GFRAL: variants seen among roughly 807,000 people sequenced by gnomAD.
GFRAL encodes GDNF family receptor alpha-like.
Under a neutral mutation model 45.4 loss-of-function variants are expected in GFRAL, and 36 were observed. That is an observed-to-expected ratio of 0.79 (90% CI 0.61 to 1.05). The LOEUF (loss-of-function observed/expected upper bound fraction) is 1.05. Among genes scored for constraint, GFRAL ranks in the 50% least tolerant of loss-of-function variants. The pLI is 0.00. For missense variants in GFRAL, 507 were observed against 467.5 expected (o/e 1.08, Z -0.78); for synonymous variants, 166 against 154.1 (o/e 1.08, Z -0.57).
rs531870584 is a variant in GFRAL, at chr6:55,331,151, G to A, written c.23-564G>A. On this transcript the variant is annotated intron_variant, in intron 1 of 8. Transcript: ENST00000340465. ...ACTAACATTTTAGTTCAAACCATAA[G>A]AGTACATGGAATTTTCTGCAGAGAA... Among the ~76,000 whole-genome samples the A allele has an allele frequency of 5.2e-4, 79 of 152,228 alleles. 2 individuals are homozygous for A. The highest frequency in any genetic ancestry group is 1.8e-3 in the African/African-American group (76 of 41,562).
chr6:55,339,496 G>C (rs1002406782), intron 3 of GFRAL, among the ~76,000 whole-genome samples: 1 of 151,992 alleles, frequency 6.6e-6, no homozygotes, highest in African/African-American at 2.4e-5. Context: ...AAGACTGCCT[G>C]GGAAAAACAC....
rs911306626 is a variant in GFRAL at position 55,401,929 on chromosome 6, C to T, written c.*76C>T. The T allele has an allele frequency of 2.5e-6, 2 of 794,124 alleles. No homozygotes were observed. The highest frequency in any genetic ancestry group is 1.5e-5 in the South Asian group (1 of 65,714). The allele number at this position is 794,124 out of a possible 1,614,324, so 49.2% of individuals were successfully genotyped here. A position where few individuals can be genotyped will look rare whatever the true frequency, so the allele number is the denominator to read the frequency against. On this transcript the variant is annotated 3_prime_UTR_variant, in exon 9 of 9. Coordinates refer to ENST00000340465, the MANE Select transcript of GFRAL (RefSeq NM_207410.2). ...TCTTTCCTCTTTTCTTCTCTCCTCTCCTCTCCTCTCTTCTCCTCTCCTCCC... is the reference window on the plus strand; with the variant it reads ...TCTTTCCTCTTTTCTTCTCTCCTCTTCTCTCCTCTCTTCTCCTCTCCTCCC...
At chr6:55,379,112 T>C (rs1381110529) in intron 6 of GFRAL, among the ~76,000 whole-genome samples, 1 of 152,028 alleles carries the variant, frequency 6.6e-6, no homozygotes, top group Non-Finnish European at 1.5e-5. Context: ...AAAGTGACTA[T>C]TAAATAGCAA....
intron 2 of GFRAL, among the ~76,000 whole-genome samples, chr6:55,333,557 T>C (rs1767856099): frequency 1.3e-5 from 2 of 152,176 alleles, no homozygotes; most frequent in Admixed American, 6.5e-5. Context: ...AGGAAAAAGC[T>C]ATTTTGAAAT....
intron 6 of GFRAL, among the ~76,000 whole-genome samples, chr6:55,392,883 A>G (rs1198666695): frequency 6.6e-6 from 1 of 152,116 alleles, no homozygotes; most frequent in Non-Finnish European, 1.5e-5. Context: ...AAAATTAAAC[A>G]AAATAGAATA....
At chr6:55,369,776 T>C (rs1768426309) in intron 6 of GFRAL, among the ~76,000 whole-genome samples, 1 of 152,246 alleles carries the variant, frequency 6.6e-6, no homozygotes, top group Admixed American at 6.5e-5. Flanking sequence ...ATAAATAATA[T>C]GGAACATCTT....
intron 3 of GFRAL, among the ~76,000 whole-genome samples, chr6:55,335,359 G>A (rs1767877587): frequency 6.6e-6 from 1 of 152,042 alleles, no homozygotes; most frequent in Non-Finnish European, 1.5e-5. Context: ...TCTGCAAGTT[G>A]AATAGATTTT....
chr6:55,356,593 C>A (rs1355523149), intron 5 of GFRAL, among the ~76,000 whole-genome samples: 1 of 151,774 alleles, frequency 6.6e-6, no homozygotes, highest in Non-Finnish European at 1.5e-5. Flanking sequence ...TTGAGGTCTT[C>A]TGTTTCTTTT....
rs905824804 is a variant in GFRAL at position 55,345,759 on chromosome 6, C to A, written c.317-4333C>A. ...AACTACCATCAGAGTGAACAGGCAA[C>A]CTACAGAATGGGAGAAAATTTTTGC... On this transcript the variant is annotated intron_variant, in intron 3 of 8. Coordinates refer to ENST00000340465, the MANE Select transcript of GFRAL (RefSeq NM_207410.2). Among the ~76,000 whole-genome samples, 6 of 152,108 alleles carry A rather than the reference C, an allele frequency of 3.9e-5. No individual in the cohort carries two copies. In the East Asian group the frequency reaches 1.2e-3, roughly 29 times the overall value.
chr6:55,393,894 T>C (rs1326613203), intron 6 of GFRAL, among the ~76,000 whole-genome samples: 2 of 152,112 alleles, frequency 1.3e-5, no homozygotes, highest in Non-Finnish European at 2.9e-5. Context: ...GCTTTCCTTG[T>C]AGTCAGGCAG....
chr6:55,373,238 T>C (rs1768476873), intron 6 of GFRAL, among the ~76,000 whole-genome samples: 1 of 152,138 alleles, frequency 6.6e-6, no homozygotes, highest in African/African-American at 2.4e-5. Context: ...AAGAACCACC[T>C]TCTGTGGCTC....
chr6:55,370,295 T>C (rs995605382), intron 6 of GFRAL, among the ~76,000 whole-genome samples: 3 of 152,130 alleles, frequency 2.0e-5, no homozygotes, highest in Admixed American at 6.6e-5. Context: ...TGTTGATTAA[T>C]TCCTTGCTTC....
intron 6 of GFRAL, among the ~76,000 whole-genome samples, chr6:55,395,238 TA>T (rs1768809520): frequency 6.7e-6 from 1 of 149,420 alleles, no homozygotes; most frequent in African/African-American, 2.5e-5. Flanking sequence ...AGGGTAGCCA[TA>T]AGTGAGTTAT....
Position 55,399,458 on chromosome 6 carries a change from T to C in GFRAL, c.1121+17T>C, listed in dbSNP as rs368319488. The C allele has an allele frequency of 2.1e-5, 33 of 1,545,758 alleles. No individual in the cohort carries two copies. The highest frequency in any genetic ancestry group is 4.5e-5 in the East Asian group (2 of 44,516). On this transcript the variant is annotated intron_variant, in intron 8 of 8. Coordinates refer to ENST00000340465, the MANE Select transcript of GFRAL (RefSeq NM_207410.2). ...CAAGCTTAGGTAACTGAATATAAAT[T>C]AGAAGGAAAGGTCTGAAAGGGAGTC...
At chr6:55,331,513 C>A (rs1157103273) in intron 1 of GFRAL, among the ~76,000 whole-genome samples, 1 of 151,924 alleles carries the variant, frequency 6.6e-6, no homozygotes, top group Non-Finnish European at 1.5e-5. Context: ...TCAAAATGAG[C>A]AAATTTAAAA....
Position 55,359,158 on chromosome 6 carries a change from T to TTATCTATCTATCTATC in GFRAL, c.952+25_952+26insATCTATCTATCTATCT, listed in dbSNP as rs1357505659. 2 of 1,325,088 alleles carry TTATCTATCTATCTATC rather than the reference T, an allele frequency of 1.5e-6. No homozygotes were observed. Among genetic ancestry groups the TTATCTATCTATCTATC allele is most frequent in the African/African-American group, 3.9e-5 (2 of 50,774 alleles). The allele number at this position is 1,325,088 out of a possible 1,614,324, so 82.1% of individuals were successfully genotyped here. A position where few individuals can be genotyped will look rare whatever the true frequency, so the allele number is the denominator to read the frequency against. ...GTTTCAGTAAGTTCCCCAAATAAAA[T>TTATCTATCTATCTATC]TATCTGTCTATCTATCTATCTATCT... is the stretch of plus-strand genomic sequence containing the variant. On this transcript the variant is annotated intron_variant, in intron 6 of 8. Coordinates refer to ENST00000340465, the MANE Select transcript of GFRAL (RefSeq NM_207410.2).
chr6:55,332,724 T>A (rs114665972), intron 2 of GFRAL, among the ~76,000 whole-genome samples: 1,989 of 152,258 alleles, frequency 0.013, 23 homozygotes, highest in Non-Finnish European at 0.022. Flanking sequence ...GCCTGGCCTA[T>A]ATTTCCTTAA....
intron 6 of GFRAL, among the ~76,000 whole-genome samples, chr6:55,369,418 T>TCGGAGCTGTAGAC (rs1244624231): frequency 6.6e-6 from 1 of 152,222 alleles, no homozygotes; most frequent in African/African-American, 2.4e-5. Context: ...TCGCTCAGGC[T>TCGGAGCTGTAGAC]CGGAGCTGTA....
At chr6:55,374,750 T>A (rs1768501383) in intron 6 of GFRAL, among the ~76,000 whole-genome samples, 2 of 152,144 alleles carry the variant, frequency 1.3e-5, no homozygotes, top group African/African-American at 4.8e-5. Flanking sequence ...AGGATTTTCA[T>A]AGTTTTGGGT....
Sources: gnomAD v4.1 joint callset for allele counts (sites outside exome capture counted in the v4.1 genomes callset) on GRCh38, gnomAD v4.1.1 for gene constraint, MANE v1.5 for transcripts, NCBI Gene and HGNC (gene_info 2026-07-23, HGNC 2026-07-21) for gene names.